Variants in SPOCK1 observed in about 807,000 individuals in gnomAD.
The protein encoded by SPOCK1 is testican-1.
SPOCK1 carries 23 observed loss-of-function variants against 55.3 expected under a neutral mutation model. The ratio of observed to expected loss-of-function variants is 0.42; its 90% confidence interval spans 0.30 to 0.59. The LOEUF is 0.59. SPOCK1 is among the 20% of genes least tolerant of loss of function. The probability of loss-of-function intolerance (pLI) is 0.22; values close to 1 mark genes in which losing one functional copy is unlikely to be tolerated. For missense variants in SPOCK1, 499 were observed against 552.5 expected (o/e 0.90, Z 0.97); for synonymous variants, 226 against 221.0 (o/e 1.02, Z -0.20).
chr5:137,470,228 G>A (rs1392994627), intron 2 of SPOCK1, among the ~76,000 whole-genome samples: 1 of 152,180 alleles, frequency 6.6e-6, no homozygotes, highest in African/African-American at 2.4e-5. Flanking sequence ...TAAACAATAT[G>A]TTCCACAAGA....
rs564795415 is a variant in SPOCK1 at position 137,367,374 on chromosome 5, C to T, written c.187-100319G>A. Among the ~76,000 whole-genome samples, 11 of 152,284 alleles carry T rather than the reference C, an allele frequency of 7.2e-5. No individual in the cohort carries two copies. In the South Asian group the frequency reaches 1.0e-3, roughly 14 times the overall value. On this transcript the variant is annotated intron_variant, in intron 2 of 10. Coordinates refer to ENST00000394945, the MANE Select transcript of SPOCK1 (RefSeq NM_004598.4). ...AAGCAGCGCTGTTGAGCACTGTGCACGGAAGAATATGAAGTTCAGGTTTAC... is the reference window on the plus strand; with the variant it reads ...AAGCAGCGCTGTTGAGCACTGTGCATGGAAGAATATGAAGTTCAGGTTTAC...
chr5:137,025,078 G>C (rs1363331314), intron 6 of SPOCK1, among the ~76,000 whole-genome samples: 1 of 152,168 alleles, frequency 6.6e-6, no homozygotes, highest in African/African-American at 2.4e-5. Flanking sequence ...TATCATCAAA[G>C]AGTGGAACAG....
chr5:137,072,341 C>T (rs10434747), intron 5 of SPOCK1, among the ~76,000 whole-genome samples: 64,889 of 152,100 alleles, frequency 0.43, 16,722 homozygotes, highest in Non-Finnish European at 0.57. Context: ...AGAACCCATA[C>T]TCATACACAA....
At chr5:137,260,159 C>T (rs1359993156) in intron 3 of SPOCK1, among the ~76,000 whole-genome samples, 2 of 152,138 alleles carry the variant, frequency 1.3e-5, no homozygotes, top group Non-Finnish European at 2.9e-5. Context: ...CCCAAAGTTG[C>T]ACATTTTAAC....
chr5:137,168,788 G>A (rs535015458), intron 3 of SPOCK1, among the ~76,000 whole-genome samples: 2 of 152,278 alleles, frequency 1.3e-5, no homozygotes, highest in South Asian at 2.1e-4. Flanking sequence ...ATGGATAACA[G>A]TTTGGAGGTT....
chr5:137,357,904 AC>A (rs916114504), intron 2 of SPOCK1, among the ~76,000 whole-genome samples: 1 of 152,158 alleles, frequency 6.6e-6, no homozygotes, highest in African/African-American at 2.4e-5. Context: ...ACCCTAAGGT[AC>A]CATTCCATTT....
chr5:137,397,851 T>A (rs1457571376), intron 2 of SPOCK1, among the ~76,000 whole-genome samples: 1 of 152,270 alleles, frequency 6.6e-6, no homozygotes, highest in Middle Eastern at 3.4e-3. Flanking sequence ...CAGGAAGCCT[T>A]CTTGGACACA....
At chr5:137,486,801 C>G (rs1754067272) in intron 2 of SPOCK1, among the ~76,000 whole-genome samples, 1 of 152,210 alleles carries the variant, frequency 6.6e-6, no homozygotes, top group South Asian at 2.1e-4. Flanking sequence ...ATTATTTTAT[C>G]TTTACTGTGG....
chr5:137,463,750 C>T (rs7727607), intron 2 of SPOCK1, among the ~76,000 whole-genome samples: 34,391 of 150,430 alleles, frequency 0.23, 4,110 homozygotes, highest in Admixed American at 0.33. Flanking sequence ...GAGTTTAAGA[C>T]CAGCTTGGCC....
At chr5:137,363,382 A>T (rs1392124434) in intron 2 of SPOCK1, among the ~76,000 whole-genome samples, 1 of 152,234 alleles carries the variant, frequency 6.6e-6, no homozygotes, top group Non-Finnish European at 1.5e-5. Flanking sequence ...TGGCTTACAC[A>T]TCCATAAGTC....
chr5:137,072,279 G>A (rs903076859), intron 5 of SPOCK1, among the ~76,000 whole-genome samples: 3 of 152,188 alleles, frequency 2.0e-5, no homozygotes, highest in Admixed American at 6.5e-5. Flanking sequence ...CTCTCTAAAG[G>A]AGGAGAGTTG....
At chr5:137,061,118 A>G (rs1333004090) in intron 6 of SPOCK1, among the ~76,000 whole-genome samples, 1 of 152,224 alleles carries the variant, frequency 6.6e-6, no homozygotes, top group Admixed American at 6.5e-5. Flanking sequence ...AACTGCTTTT[A>G]AATTCCAAGT....
chr5:137,087,983 G>A (rs541308276), intron 5 of SPOCK1, among the ~76,000 whole-genome samples: 16 of 152,336 alleles, frequency 1.1e-4, no homozygotes, highest in African/African-American at 3.4e-4. Context: ...CCACTTTCTC[G>A]TGTAAAGCTC....
intron 2 of SPOCK1, among the ~76,000 whole-genome samples, chr5:137,352,179 T>C (rs1750695192): frequency 6.6e-6 from 1 of 152,226 alleles, no homozygotes; most frequent in Non-Finnish European, 1.5e-5. Flanking sequence ...ATATCTAGAA[T>C]AAGAGCTGAT....
chr5:137,157,298 C>T (rs1442052035), intron 3 of SPOCK1, among the ~76,000 whole-genome samples: 1 of 152,224 alleles, frequency 6.6e-6, no homozygotes, highest in Non-Finnish European at 1.5e-5. Flanking sequence ...AAAAGCAGTT[C>T]CCAGTCCCTG....
At chr5:137,080,138 A>G (rs1752857175) in intron 5 of SPOCK1, among the ~76,000 whole-genome samples, 2 of 152,096 alleles carry the variant, frequency 1.3e-5, no homozygotes, top group South Asian at 4.1e-4. Context: ...TTTTACCTAT[A>G]TTTTCTCCTT....
At position 136,988,591 on chromosome 5, in the gene SPOCK1, G is replaced by A. The variant is rs1381319173; in HGVS notation, c.759C>T (p.Phe253=). Residue 253 remains phenylalanine (F), a synonymous_variant, in exon 8 of 11, where the codon TTC becomes TTT. Transcript: ENST00000394945. ...PICKDSLGWM[F]NKLDMNYDLL... is the part of the protein sequence containing the mutation. ...GGTCATAGTTCATGTCCAACTTGTTGAACATCCAGCCCAGGGAGTCCTTGC... is the reference window on the plus strand; with the variant it reads ...GGTCATAGTTCATGTCCAACTTGTTAAACATCCAGCCCAGGGAGTCCTTGC... The A allele has an allele frequency of 1.3e-5, 21 of 1,613,924 alleles. No homozygotes were observed. The highest frequency in any genetic ancestry group is 3.3e-4 in the Middle Eastern group (2 of 6,082).
At chr5:137,287,267 T>C (rs1757288568) in intron 2 of SPOCK1, among the ~76,000 whole-genome samples, 1 of 152,188 alleles carries the variant, frequency 6.6e-6, no homozygotes, top group Non-Finnish European at 1.5e-5. Flanking sequence ...ACTGACTGTA[T>C]GTCCTGCTCA....
rs556808108 is a variant in SPOCK1, at chr5:137,087,761, G to T, written c.475-19932C>A. ...CCGCTGGATCTTTCAGAGGTTTTAG[G>T]AAAGGTTTTCCAAGCCCCACGAGAG... On this transcript the variant is annotated intron_variant, in intron 5 of 10. Transcript: ENST00000394945. Among the ~76,000 whole-genome samples the T allele has an allele frequency of 3.9e-5, 6 of 152,338 alleles. No individual in the cohort carries two copies. In the South Asian group the frequency reaches 8.3e-4, roughly 21 times the overall value.
Sources: gnomAD v4.1 joint callset for allele counts (sites outside exome capture counted in the v4.1 genomes callset) on GRCh38, gnomAD v4.1.1 for gene constraint, MANE v1.5 for transcripts, NCBI Gene and HGNC (gene_info 2026-07-23, HGNC 2026-07-21) for gene names.